NAV2: variants seen among roughly 807,000 people sequenced by gnomAD.
NAV2 encodes helicase, APC down-regulated 1.
Under a neutral mutation model 223.2 loss-of-function variants are expected in NAV2, and 54 were observed. The observed-to-expected ratio is 0.24, with a 90% confidence interval of 0.19 to 0.30. NAV2 has a LOEUF of 0.30. NAV2 is among the 10% of genes least tolerant of loss of function. NAV2 has a pLI of 1.00. For synonymous variants in NAV2, 1,279 were observed against 1,239.3 expected (o/e 1.03, Z -0.67); for missense variants, 2,806 against 3,147.5 (o/e 0.89, Z 2.60).
chr11:20,036,027 T>C lies in NAV2; in HGVS notation c.2837T>C (p.Ile946Thr). ...DTIDNLSTDD[I>T]NTSSSISSYA... ...ATAGACAACCTCAGCACTGATGACA[T>C]CAACACCAGCTCCTCCATCAGCTCT... Residue 946 changes from isoleucine to threonine, a missense_variant, in exon 12 of 38, where the codon ATC (isoleucine) becomes ACC (threonine). This residue lies in a region of NAV2 where 73 missense variants were observed against 119.7 expected (regional missense o/e 0.61). Transcript: ENST00000349880. The C allele has an allele frequency of 6.2e-7, 1 of 1,614,142 alleles. No homozygotes were observed. Among genetic ancestry groups the C allele is most frequent in the Non-Finnish European group, 8.5e-7 (1 of 1,180,020 alleles).
chr11:20,101,977 C>T (rs538099871), intron 32 of NAV2, among the ~76,000 whole-genome samples: 1 of 152,314 alleles, frequency 6.6e-6, no homozygotes, highest in East Asian at 1.9e-4. Flanking sequence ...CTTGAAGATA[C>T]AGGTTCCTAG....
intron 10 of NAV2, among the ~76,000 whole-genome samples, chr11:19,961,634 C>A (rs10833206): frequency 0.43 from 65,184 of 152,010 alleles, 15,856 homozygotes; most frequent in Non-Finnish European, 0.54. Context: ...TGATTGGCAG[C>A]TGTGACCATA....
chr11:19,399,769 T>A (rs1849607777), intron 1 of NAV2, among the ~76,000 whole-genome samples: 1 of 152,218 alleles, frequency 6.6e-6, no homozygotes, highest in Admixed American at 6.5e-5. Flanking sequence ...TGAAACTGGG[T>A]AGGTCTGCCT....
intron 1 of NAV2, among the ~76,000 whole-genome samples, chr11:19,354,099 G>T (rs977152383): frequency 6.6e-6 from 1 of 152,144 alleles, no homozygotes; most frequent in African/African-American, 2.4e-5. Context: ...TTTGGTTTGG[G>T]CTCTGTTTTT....
At chr11:19,821,178 T>C (rs892801509) in intron 1 of NAV2, among the ~76,000 whole-genome samples, 10 of 147,268 alleles carry the variant, frequency 6.8e-5, no homozygotes, top group Non-Finnish European at 1.2e-4. Flanking sequence ...AGGAGAATGG[T>C]GTGAACCCGG....
At chr11:19,609,842 G>A (rs984658276) in intron 1 of NAV2, among the ~76,000 whole-genome samples, 1 of 152,224 alleles carries the variant, frequency 6.6e-6, no homozygotes, top group Non-Finnish European at 1.5e-5. Context: ...GTCCATATTG[G>A]CTCTAGTGCC....
intron 1 of NAV2, among the ~76,000 whole-genome samples, chr11:19,515,019 G>C (rs781230909): frequency 1.3e-5 from 2 of 152,148 alleles, no homozygotes; most frequent in Admixed American, 1.3e-4. Flanking sequence ...AACAGTGATA[G>C]TTAAGAGCAT....
chr11:19,655,397 T>A (rs1279020541), intron 1 of NAV2, among the ~76,000 whole-genome samples: 4 of 152,304 alleles, frequency 2.6e-5, no homozygotes, highest in Non-Finnish European at 5.9e-5. Context: ...AATGGGTATA[T>A]ACCCAAAGGA....
chr11:19,583,943 A>G (rs1419314342), intron 1 of NAV2, among the ~76,000 whole-genome samples: 2 of 152,180 alleles, frequency 1.3e-5, no homozygotes, highest in Admixed American at 6.5e-5. Flanking sequence ...AATAGTTTCA[A>G]AAGAAATGGT....
chr11:19,847,452 C>A (rs1263695136), intron 3 of NAV2, among the ~76,000 whole-genome samples: 6 of 152,170 alleles, frequency 3.9e-5, no homozygotes, highest in African/African-American at 9.7e-5. Context: ...TCCTCCTGGG[C>A]TCTTCAAGGA....
intron 1 of NAV2, among the ~76,000 whole-genome samples, chr11:19,499,989 C>T (rs951809907): frequency 6.6e-6 from 1 of 151,958 alleles, no homozygotes; most frequent in African/African-American, 2.4e-5. Context: ...CACACACACA[C>T]AACCACACAC....
intron 6 of NAV2, among the ~76,000 whole-genome samples, chr11:19,899,161 A>G (rs760791941): frequency 6.6e-6 from 1 of 151,964 alleles, no homozygotes; most frequent in Admixed American, 6.6e-5. Context: ...TTCCTCCTCT[A>G]GTTTTTGTTC....
intron 1 of NAV2, among the ~76,000 whole-genome samples, chr11:19,554,659 G>C (rs2044807386): frequency 6.6e-6 from 1 of 152,132 alleles, no homozygotes; most frequent in African/African-American, 2.4e-5. Flanking sequence ...GAATTAGATG[G>C]TTGTTTATGG....
At chr11:19,658,060 T>C (rs1448670226) in intron 1 of NAV2, among the ~76,000 whole-genome samples, 1 of 152,258 alleles carries the variant, frequency 6.6e-6, no homozygotes, top group Non-Finnish European at 1.5e-5. Flanking sequence ...GTTTGCGTTA[T>C]AGTCATTTAA....
intron 4 of NAV2, among the ~76,000 whole-genome samples, chr11:19,875,402 T>G (rs1421554233): frequency 1.3e-5 from 2 of 152,290 alleles, no homozygotes; most frequent in Non-Finnish European, 2.9e-5. Context: ...TATATGTAAT[T>G]TATTGAATAC....
At chr11:20,085,898 C>T (rs893128593) in intron 26 of NAV2, among the ~76,000 whole-genome samples, 1 of 152,206 alleles carries the variant, frequency 6.6e-6, no homozygotes, top group Non-Finnish European at 1.5e-5. Flanking sequence ...ATACCACCTG[C>T]AGCAGAAGAA....
At chr11:20,109,137 A>G (rs79298415) in intron 36 of NAV2, among the ~76,000 whole-genome samples, 9,715 of 152,240 alleles carry the variant, frequency 0.064, 363 homozygotes, top group Non-Finnish European at 0.076. Context: ...ACTATTTTCT[A>G]TCTATGATTT....
chr11:19,616,556 C>G (rs184915296), intron 1 of NAV2, among the ~76,000 whole-genome samples: 1 of 152,142 alleles, frequency 6.6e-6, no homozygotes, highest in Admixed American at 6.5e-5. Flanking sequence ...GGCAGTCAGG[C>G]AGGCAGCTGG....
intron 1 of NAV2, among the ~76,000 whole-genome samples, chr11:19,421,569 T>C (rs1850613601): frequency 6.6e-6 from 1 of 152,228 alleles, no homozygotes; most frequent in Non-Finnish European, 1.5e-5. Flanking sequence ...ATATTAACTT[T>C]TTAAAAATTA....
Sources: allele counts gnomAD v4.1 joint callset (sites outside exome capture counted in the v4.1 genomes callset), GRCh38; gene constraint gnomAD v4.1.1; regional missense constraint gnomAD v4.1.1; transcripts MANE v1.5; gene names NCBI Gene and HGNC (gene_info 2026-07-23, HGNC 2026-07-21).